Variants in SPRYD7 observed in about 807,000 individuals in gnomAD.
SPRYD7 encodes SPRY domain-containing protein 7.
In SPRYD7, 14 loss-of-function variants were observed where a neutral mutation model predicts 23.8. The ratio of observed to expected loss-of-function variants is 0.59; its 90% CI spans 0.39 to 0.92. The LOEUF (loss-of-function observed/expected upper bound fraction) is 0.92. Among genes scored for constraint, SPRYD7 ranks in the 40% least tolerant of loss-of-function variants. The probability of loss-of-function intolerance (pLI) is 0.00; values close to 1 mark genes in which losing one functional copy is unlikely to be tolerated. For synonymous variants in SPRYD7, 75 were observed against 84.9 expected, an observed-to-expected ratio of 0.88 and a Z score of 0.64; for missense variants, 194 against 241.7, an observed-to-expected ratio of 0.80 and a Z score of 1.31.
intron 2 of SPRYD7, among the ~76,000 whole-genome samples, chr13:49,928,755 G>A (rs1017735824): frequency 1.3e-5 from 2 of 152,170 alleles, no homozygotes; most frequent in Admixed American, 6.5e-5. Flanking sequence ...GAAAATGCTA[G>A]CTGTCATCAT....
intron 3 of SPRYD7, among the ~76,000 whole-genome samples, chr13:49,923,805 T>C (rs1004531561): frequency 1.3e-5 from 2 of 152,068 alleles, no homozygotes; most frequent in African/African-American, 4.8e-5. Flanking sequence ...GTTCAAGTGT[T>C]TTCTAACCTA....
intron 4 of SPRYD7, among the ~76,000 whole-genome samples, chr13:49,918,298 G>A (rs768674673): frequency 6.6e-6 from 1 of 152,176 alleles, no homozygotes; most frequent in South Asian, 2.1e-4. Context: ...TCCTGGACTC[G>A]AGCAACTCTT....
intron 1 of SPRYD7, among the ~76,000 whole-genome samples, chr13:49,935,172 A>G (rs1170552372): frequency 6.6e-6 from 1 of 152,232 alleles, no homozygotes; most frequent in Non-Finnish European, 1.5e-5. Flanking sequence ...AAACTGGGCG[A>G]GAGAGTTTTA....
Position 49,936,118 on chromosome 13 carries a change from G to A in SPRYD7, c.106+12C>T, listed in dbSNP as rs751274509. 2 of 1,575,924 alleles carry A rather than the reference G, an allele frequency of 1.3e-6. No individual in the cohort carries two copies. The highest frequency in any genetic ancestry group is 8.6e-7 in the Non-Finnish European group (1 of 1,163,390). ...CGTGAGCCGTTGGGTCTGGGGAAGG[G>A]AGGGCCCTTACCCATGTGCTGCGTG... is the stretch of plus-strand genomic sequence containing the variant. On this transcript the variant is annotated intron_variant, in intron 1 of 4. Transcript: ENST00000361840.
chr13:49,925,000 T>A (rs1223467308), intron 3 of SPRYD7, among the ~76,000 whole-genome samples: 7 of 143,796 alleles, frequency 4.9e-5, no homozygotes, highest in East Asian at 4.1e-4. Flanking sequence ...AAATAAATAA[T>A]AATAATAATA....
chr13:49,934,961 T>C (rs1334990702), intron 1 of SPRYD7, among the ~76,000 whole-genome samples: 1 of 152,218 alleles, frequency 6.6e-6, no homozygotes, highest in African/African-American at 2.4e-5. Context: ...AGGAAAACTA[T>C]AGAATTTGAA....
Position 49,936,312 on chromosome 13 carries a change from GCC to G in SPRYD7, c.-79_-78del. The G allele has an allele frequency of 9.3e-7, 1 of 1,071,316 alleles. No homozygotes were observed. Among genetic ancestry groups the G allele is most frequent in the Non-Finnish European group, 1.3e-6 (1 of 754,192 alleles). The allele number at this position is 1,071,316 out of a possible 1,614,324, so 66.4% of individuals were successfully genotyped here. On this transcript the variant is annotated 5_prime_UTR_variant, in exon 1 of 5. Transcript: ENST00000361840. ...CCCCCGCCGCTCAGCTCCGTCTCCTGCCCCCGCCCGAGGTCCGGACTTGTCTA... is the reference window on the plus strand; with the variant it reads ...CCCCCGCCGCTCAGCTCCGTCTCCTGCCCGCCCGAGGTCCGGACTTGTCTA...
At chr13:49,926,630 G>A (rs1955885039) in intron 3 of SPRYD7, among the ~76,000 whole-genome samples, 1 of 151,958 alleles carries the variant, frequency 6.6e-6, no homozygotes, top group South Asian at 2.1e-4. Flanking sequence ...TTGCAAAAAA[G>A]AGAAGAAAGA....
rs991176595 is a variant in SPRYD7, at chr13:49,931,432, G to A, written c.107-298C>T. ...CCTGACCTCGTGATCCGCCCACCTTGGCCTCCCAAAGTTCTGGGATTACAG... is the reference window on the plus strand; with the variant it reads ...CCTGACCTCGTGATCCGCCCACCTTAGCCTCCCAAAGTTCTGGGATTACAG... On this transcript the variant is annotated intron_variant, in intron 1 of 4. Coordinates refer to ENST00000361840, the MANE Select transcript of SPRYD7 (RefSeq NM_020456.4). Among the ~76,000 whole-genome samples, 8 of 152,066 alleles carry A rather than the reference G, an allele frequency of 5.3e-5. No individual in the cohort carries two copies. In the East Asian group the frequency reaches 1.2e-3, roughly 22 times the overall value.
intron 3 of SPRYD7, among the ~76,000 whole-genome samples, chr13:49,925,964 T>G (rs947106420): frequency 6.6e-6 from 1 of 152,216 alleles, no homozygotes. Context: ...TTTTCTTGAT[T>G]TCTCCTCAGA....
intron 4 of SPRYD7, among the ~76,000 whole-genome samples, chr13:49,919,538 G>C (rs947648369): frequency 1.3e-5 from 2 of 151,052 alleles, no homozygotes; most frequent in African/African-American, 2.4e-5. Flanking sequence ...ATGAGACTCT[G>C]TCTCAAAAAA....
rs1049057016 is a variant in SPRYD7, at chr13:49,921,647, T to C, written c.391-67A>G. 11 of 985,356 alleles carry C rather than the reference T, an allele frequency of 1.1e-5. No homozygotes were observed. In the African/African-American group the frequency reaches 1.8e-4, roughly 16 times the overall value. 61.0% of individuals were successfully genotyped at this position (985,356 alleles called of 1,614,324 possible). On this transcript the variant is annotated intron_variant, in intron 3 of 4. Transcript: ENST00000361840. ...GTCAGAAAGCATTGACTGGGAAGTA[T>C]GGAAACACAAAAAGCTAAGCATAGG...
intron 1 of SPRYD7, 79 bp downstream of exon 1, chr13:49,936,051 C>T: frequency 1.0e-6 from 1 of 966,010 alleles, no homozygotes; most frequent in East Asian, 3.2e-5. Flanking sequence ...GCGTGGGGAC[C>T]CTCTGACCCT....
rs1955707021 is a variant in SPRYD7, at chr13:49,912,918, AAAC to A, written c.*2142_*2144del. 6.6e-6 allele frequency: 1 copy of A among 152,190 alleles called. No individual in the cohort carries two copies. Among genetic ancestry groups the A allele is most frequent in the South Asian group, 2.1e-4 (1 of 4,832 alleles). The allele number at this position is 152,190 out of a possible 1,614,324, so 9.4% of individuals were successfully genotyped here. ...ATTGTCACATTTTTGTCTGCAGAAT[AAAC>A]AATAAAAAAGGATTTTGCAGGATTC... is the stretch of plus-strand genomic sequence containing the variant. On this transcript the variant is annotated 3_prime_UTR_variant, in exon 5 of 5. Coordinates refer to ENST00000361840, the MANE Select transcript of SPRYD7 (RefSeq NM_020456.4).
chr13:49,919,415 G>A (rs899098130), intron 4 of SPRYD7, among the ~76,000 whole-genome samples: 2 of 152,012 alleles, frequency 1.3e-5, no homozygotes, highest in African/African-American at 2.4e-5. Flanking sequence ...GTGGTGGTGC[G>A]TGCTTGTAGT....
Position 49,927,905 on chromosome 13 carries a change from A to G in SPRYD7, c.390+14T>C, listed in dbSNP as rs765730022. On this transcript the variant is annotated intron_variant, in intron 3 of 4. Coordinates refer to ENST00000361840, the MANE Select transcript of SPRYD7 (RefSeq NM_020456.4). ...GTCATTTACAGTGGAAAGCAACTCCATGAGGGAACTCACCACCACATCTCC... is the reference window on the plus strand; with the variant it reads ...GTCATTTACAGTGGAAAGCAACTCCGTGAGGGAACTCACCACCACATCTCC... The G allele has an allele frequency of 3.1e-6, 5 of 1,613,896 alleles. No individual in the cohort carries two copies. The East Asian group carries it at 8.9e-5, about 29-fold the overall frequency.
intron 3 of SPRYD7, among the ~76,000 whole-genome samples, chr13:49,925,202 C>T (rs1242283427): frequency 2.6e-5 from 4 of 151,066 alleles, no homozygotes; most frequent in Admixed American, 6.6e-5. Flanking sequence ...ACCAGCCTGT[C>T]CAATATGGTG....
intron 2 of SPRYD7, among the ~76,000 whole-genome samples, chr13:49,930,168 T>C (rs544387310): frequency 1.3e-5 from 2 of 152,278 alleles, no homozygotes; most frequent in South Asian, 2.1e-4. Context: ...TATAATCACA[T>C]AGAATTGCTT....
chr13:49,925,142 C>T (rs1955867162), intron 3 of SPRYD7, among the ~76,000 whole-genome samples: 1 of 151,902 alleles, frequency 6.6e-6, no homozygotes, highest in African/African-American at 2.4e-5. Flanking sequence ...CCTGTAATCC[C>T]ATCACTTTGG....
Sources: gnomAD v4.1 joint callset for allele counts (sites outside exome capture counted in the v4.1 genomes callset) on GRCh38, gnomAD v4.1.1 for gene constraint, MANE v1.5 for transcripts, NCBI Gene and HGNC (gene_info 2026-07-23, HGNC 2026-07-21) for gene names.